Variants in UNC5C observed in about 807,000 individuals in gnomAD.
The protein encoded by UNC5C is unc-5 netrin receptor C.
In UNC5C, 47 loss-of-function variants were observed where a neutral mutation model predicts 99.8. That is an observed-to-expected ratio of 0.47 (90% CI 0.37 to 0.60). The LOEUF (loss-of-function observed/expected upper bound fraction) is 0.60. Among genes scored for constraint, UNC5C ranks in the 20% least tolerant of loss-of-function variants. UNC5C has a pLI of 0.00. For synonymous variants in UNC5C, 487 were observed against 452.2 expected, an observed-to-expected ratio of 1.08 and a Z score of -0.98; for missense variants, 1,062 against 1,165.9, an observed-to-expected ratio of 0.91 and a Z score of 1.30.
chr4:95,296,025 T>A (rs959964000), intron 3 of UNC5C, among the ~76,000 whole-genome samples: 4 of 152,158 alleles, frequency 2.6e-5, no homozygotes, highest in African/African-American at 9.7e-5. Flanking sequence ...AGGAGACAGG[T>A]TGCAATGAGC....
chr4:95,371,819 T>C (rs1744756813), intron 1 of UNC5C, among the ~76,000 whole-genome samples: 1 of 152,172 alleles, frequency 6.6e-6, no homozygotes, highest in African/African-American at 2.4e-5. Flanking sequence ...TTTCACCCAA[T>C]AAAACATCTG....
intron 1 of UNC5C, among the ~76,000 whole-genome samples, chr4:95,503,840 G>T (rs1721841253): frequency 6.6e-6 from 1 of 151,942 alleles, no homozygotes; most frequent in Admixed American, 6.6e-5. Flanking sequence ...GCTTCCATCT[G>T]CTCCCCCACC....
Position 95,219,167 on chromosome 4 carries a change from T to G in UNC5C, c.1447A>C (p.Asn483His). 6.2e-7 allele frequency: 1 copy of G among 1,614,112 alleles called. No individual in the cohort carries two copies. Among genetic ancestry groups the G allele is most frequent in the African/African-American group, 1.3e-5 (1 of 74,998 alleles). Residue 483 changes from asparagine to histidine, a missense_variant, in exon 9 of 16, where the codon AAC becomes CAC. Around this residue, in one of 3 missense-constraint regions of UNC5C, gnomAD observed 810 missense variants for 854.5 expected, o/e 0.95. Coordinates refer to ENST00000453304, the MANE Select transcript of UNC5C (RefSeq NM_003728.4). ...TGGGGGGTGACAGCACCTGAGGTGT[T>G]GTACACTTTGATTTTCAGGTTGGGC... ...PLPNLKIKVY[N>H]TSGAVTPQDD... is the part of the protein sequence containing the mutation.
intron 4 of UNC5C, among the ~76,000 whole-genome samples, chr4:95,256,068 C>CT (rs1455812562): frequency 6.6e-6 from 1 of 152,100 alleles, no homozygotes; most frequent in African/African-American, 2.4e-5. Context: ...GGACAGCACA[C>CT]TTTCCTGGGT....
At chr4:95,245,277 A>G in intron 5 of UNC5C, 133 bp from the exon 6 acceptor site, 1 of 1,074,508 alleles carries the variant, frequency 9.3e-7, no homozygotes, top group Non-Finnish European at 1.3e-6. Flanking sequence ...CCAAAATTTC[A>G]AAGCCAGAAG....
intron 4 of UNC5C, among the ~76,000 whole-genome samples, chr4:95,266,804 C>T (rs1339554199): frequency 6.6e-6 from 1 of 152,252 alleles, no homozygotes; most frequent in Admixed American, 6.5e-5. Flanking sequence ...TATTTATTTA[C>T]AGTATCAGCA....
chr4:95,382,340 G>A (rs1248220941), intron 1 of UNC5C, among the ~76,000 whole-genome samples: 2 of 151,802 alleles, frequency 1.3e-5, no homozygotes, highest in African/African-American at 4.8e-5. Flanking sequence ...AGGCATAGTG[G>A]CATGCGCATG....
rs1747581697 is a variant in UNC5C at position 95,460,883 on chromosome 4, T to A, written c.124+87851A>T. On this transcript the variant is annotated intron_variant, in intron 1 of 15. Coordinates refer to ENST00000453304, the MANE Select transcript of UNC5C (RefSeq NM_003728.4). ...GATAGGATTACACAGAGTTTGTATATCAGGAGGAAGCCATCATGTGGTCCA... is the reference window on the plus strand; with the variant it reads ...GATAGGATTACACAGAGTTTGTATAACAGGAGGAAGCCATCATGTGGTCCA... Among the ~76,000 whole-genome samples the A allele has an allele frequency of 2.0e-5, 3 of 152,194 alleles. No individual in the cohort carries two copies. The South Asian group carries it at 6.2e-4, about 31-fold the overall frequency.
chr4:95,392,778 C>T (rs1024212364), intron 1 of UNC5C, among the ~76,000 whole-genome samples: 12 of 151,960 alleles, frequency 7.9e-5, no homozygotes, highest in African/African-American at 2.7e-4. Context: ...CTACAGAAAT[C>T]TTATCACTAC....
chr4:95,307,119 ATAACT>A lies in UNC5C; in HGVS notation c.347-5375_347-5371del, dbSNP rs540251019. Among the ~76,000 whole-genome samples the A allele has an allele frequency of 5.3e-3, 810 of 152,258 alleles. 7 individuals carry two copies. The highest frequency in any genetic ancestry group is 0.019 in the African/African-American group (774 of 41,566). On this transcript the variant is annotated intron_variant, in intron 2 of 15. Transcript: ENST00000453304. ...CTCTCGTTAAAGTAATTAAAGTGTGATAACTTAAAAGGCAGAATTTCAGAATCAAG... is the reference window on the plus strand; with the variant it reads ...CTCTCGTTAAAGTAATTAAAGTGTGATAAAAGGCAGAATTTCAGAATCAAG...
chr4:95,182,819 A>T (rs895725028), intron 14 of UNC5C, 78 bp downstream of exon 14: 1 of 1,485,216 alleles, frequency 6.7e-7, no homozygotes, highest in Non-Finnish European at 9.1e-7. Context: ...CTATGTTGAG[A>T]TACCCTTTTA....
intron 1 of UNC5C, among the ~76,000 whole-genome samples, chr4:95,540,526 C>T (rs1722892703): frequency 6.6e-6 from 1 of 152,096 alleles, no homozygotes; most frequent in Non-Finnish European, 1.5e-5. Context: ...ATTCTTTCAT[C>T]ATCTTACAGA....
intron 1 of UNC5C, among the ~76,000 whole-genome samples, chr4:95,390,069 G>T (rs115566659): frequency 0.012 from 1,860 of 151,986 alleles, 30 homozygotes; most frequent in African/African-American, 0.042. Context: ...ATTATTTTTC[G>T]ATCATAATCT....
intron 14 of UNC5C, among the ~76,000 whole-genome samples, chr4:95,176,843 C>T (rs936001954): frequency 2.6e-5 from 4 of 152,286 alleles, no homozygotes; most frequent in Non-Finnish European, 4.4e-5. Context: ...CCCCCAGCCT[C>T]GCTGCCGCCT....
chr4:95,456,356 G>A (rs545611707), intron 1 of UNC5C, among the ~76,000 whole-genome samples: 1 of 152,218 alleles, frequency 6.6e-6, no homozygotes, highest in South Asian at 2.1e-4. Context: ...TGGGAATGGG[G>A]AATTCATTGA....
At chr4:95,206,902 C>CTTTT (rs35063112) in intron 10 of UNC5C, 106 bp from the exon 11 acceptor site, 117 of 510,676 alleles carry the variant, frequency 2.3e-4, no homozygotes, top group Non-Finnish European at 2.7e-4. Context: ...TCCTGGAATT[C>CTTTT]TTTTTTTTTT....
intron 1 of UNC5C, among the ~76,000 whole-genome samples, chr4:95,444,128 G>A (rs2149464584): frequency 6.6e-6 from 1 of 152,266 alleles, no homozygotes; most frequent in South Asian, 2.1e-4. Context: ...TGGACAGATG[G>A]ACAACAGACT....
intron 12 of UNC5C, among the ~76,000 whole-genome samples, chr4:95,185,533 T>C (rs1426565070): frequency 6.6e-6 from 1 of 152,062 alleles, no homozygotes; most frequent in Non-Finnish European, 1.5e-5. Flanking sequence ...CAGAGAGCCA[T>C]AAATTAAAGA....
chr4:95,236,204 A>G (rs1399698260), intron 7 of UNC5C, among the ~76,000 whole-genome samples: 1 of 152,192 alleles, frequency 6.6e-6, no homozygotes, highest in Admixed American at 6.5e-5. Flanking sequence ...ACAATGATAG[A>G]CTGGATTAAG....
Sources: gnomAD v4.1 joint callset for allele counts (sites outside exome capture counted in the v4.1 genomes callset) on GRCh38, gnomAD v4.1.1 for gene constraint, gnomAD v4.1.1 regional missense constraint, MANE v1.5 for transcripts, NCBI Gene and HGNC (gene_info 2026-07-23, HGNC 2026-07-21) for gene names.